ETFA: variants seen among roughly 807,000 people sequenced by gnomAD.
ETFA encodes electron transfer flavoprotein subunit alpha, mitochondrial.
Under a neutral mutation model 46.2 loss-of-function variants are expected in ETFA, and 22 were observed. The observed-to-expected ratio is 0.48, with a 90% CI of 0.34 to 0.68. The LOEUF (loss-of-function observed/expected upper bound fraction) is 0.68. Among genes scored for constraint, ETFA ranks in the 30% least tolerant of loss-of-function variants. The pLI, the probability that ETFA is intolerant of heterozygous loss-of-function variation, is 0.01. For missense variants in ETFA, 345 were observed against 401.1 expected (o/e 0.86, Z 1.19); for synonymous variants, 131 against 139.9 (o/e 0.94, Z 0.45).
intron 9 of ETFA, chr15:76,259,384 C>G: frequency 6.7e-7 from 1 of 1,484,126 alleles, no homozygotes. Flanking sequence ...TACAAAAGGT[C>G]GTCTGAAGGC....
chr15:76,258,759 T>C (rs960262835), intron 9 of ETFA, among the ~76,000 whole-genome samples: 3 of 152,186 alleles, frequency 2.0e-5, no homozygotes, highest in African/African-American at 7.2e-5. Context: ...ACTGGCCCAC[T>C]TCCATTAAGC....
At chr15:76,310,699 A>C (rs1201540539) in intron 1 of ETFA, among the ~76,000 whole-genome samples, 1 of 152,238 alleles carries the variant, frequency 6.6e-6, no homozygotes, top group Non-Finnish European at 1.5e-5. Context: ...GTCAGCCTGA[A>C]GCATATAAAA....
At chr15:76,300,373 C>T (rs2039867221) in intron 1 of ETFA, among the ~76,000 whole-genome samples, 1 of 152,170 alleles carries the variant, frequency 6.6e-6, no homozygotes, top group East Asian at 1.9e-4. Context: ...CTTCGATCTG[C>T]CCCAACCATG....
In ETFA at chr15:76,284,200, G is replaced by A. The variant is rs142724315; in HGVS notation, c.665-375C>T. ...CTGAATAAAGTTATTATTTGAATGG[G>A]AGTCATCTCAAGGACTTTAAACTCC... On this transcript the variant is annotated intron_variant, in intron 7 of 11. Coordinates refer to ENST00000557943, the MANE Select transcript of ETFA (RefSeq NM_000126.4). 7.3e-3 allele frequency among the ~76,000 whole-genome samples: 1,112 copies of A among 152,260 alleles called. 18 individuals carry two copies. Among genetic ancestry groups the A allele is most frequent in the African/African-American group, 0.025 (1,057 of 41,538 alleles).
intron 5 of ETFA, among the ~76,000 whole-genome samples, chr15:76,286,695 C>T (rs1368163325): frequency 6.6e-6 from 1 of 152,018 alleles, no homozygotes; most frequent in Non-Finnish European, 1.5e-5. Flanking sequence ...AAAAGCAGGA[C>T]AGGTACTACC....
intron 8 of ETFA, among the ~76,000 whole-genome samples, chr15:76,283,325 G>A (rs1190838177): frequency 1.3e-5 from 2 of 152,188 alleles, no homozygotes; most frequent in East Asian, 3.9e-4. Flanking sequence ...CTGAGTACCT[G>A]GGACTACAAG....
chr15:76,288,902 A>ATTC (rs925770795), intron 4 of ETFA, among the ~76,000 whole-genome samples: 5 of 110,524 alleles, frequency 4.5e-5, no homozygotes, highest in African/African-American at 1.3e-4. Flanking sequence ...GTCTCAGTTA[A>ATTC]TTCTTCTTCT....
At chr15:76,238,183 C>T (rs1315569348) in intron 9 of ETFA, among the ~76,000 whole-genome samples, 3 of 152,070 alleles carry the variant, frequency 2.0e-5, no homozygotes, top group East Asian at 1.9e-4. Flanking sequence ...ATCTGCTTTA[C>T]TTTAAACACA....
intron 9 of ETFA, among the ~76,000 whole-genome samples, chr15:76,235,194 A>C (rs973002885): frequency 1.3e-5 from 2 of 152,172 alleles, no homozygotes; most frequent in Non-Finnish European, 2.9e-5. Flanking sequence ...GCATAGTATC[A>C]GATTTCCCAA....
intron 11 of ETFA, among the ~76,000 whole-genome samples, chr15:76,220,635 C>G (rs117827176): frequency 6.6e-6 from 1 of 152,012 alleles, no homozygotes; most frequent in Non-Finnish European, 1.5e-5. Flanking sequence ...AACTCAAGAA[C>G]AAAAAGATAA....
rs1456494473 is a variant in ETFA, at chr15:76,261,069, G to A, written c.816+13343C>T. Reference sequence around the variant, plus strand: ...AAGGAGAACAGTGGCTATGCGAGAAGAGGCCAGGCATTTTAGGCTGTGAAC... The same window carrying A: ...AAGGAGAACAGTGGCTATGCGAGAAAAGGCCAGGCATTTTAGGCTGTGAAC... On this transcript the variant is annotated intron_variant, in intron 9 of 11. Coordinates refer to ENST00000557943, the MANE Select transcript of ETFA (RefSeq NM_000126.4). 84 of 1,547,800 alleles carry A rather than the reference G, an allele frequency of 5.4e-5. No homozygotes were observed. The African/African-American group carries it at 9.7e-4, about 18-fold the overall frequency.
intron 8 of ETFA, among the ~76,000 whole-genome samples, chr15:76,278,273 C>G (rs1020752204): frequency 6.6e-5 from 10 of 152,124 alleles, no homozygotes; most frequent in Non-Finnish European, 4.4e-5. Context: ...TCTTTCTGAC[C>G]TCCTCTTTCC....
chr15:76,227,628 T>G, intron 10 of ETFA: 1 of 355,496 alleles, frequency 2.8e-6, no homozygotes, highest in South Asian at 2.2e-5. Context: ...ACCACTGCAG[T>G]TAGACTCTAA....
chr15:76,297,396 A>G (rs2039835471), intron 1 of ETFA, among the ~76,000 whole-genome samples: 1 of 151,344 alleles, frequency 6.6e-6, no homozygotes, highest in African/African-American at 2.4e-5. Context: ...ATAATTAAAA[A>G]TAAAAAATAA....
At chr15:76,283,616 C>G (rs2039676346) in intron 8 of ETFA, 141 bp downstream of exon 8, 1 of 666,164 alleles carries the variant, frequency 1.5e-6, no homozygotes, top group South Asian at 1.8e-5. Context: ...TTAAGAAAAA[C>G]TGGTTCAGAG....
chr15:76,298,822 A>G (rs2039853111), intron 1 of ETFA, among the ~76,000 whole-genome samples: 3 of 152,240 alleles, frequency 2.0e-5, no homozygotes, highest in African/African-American at 7.2e-5. Context: ...TAATCTCAAA[A>G]GACCTCTTTT....
chr15:76,306,765 T>C (rs1040200654), intron 1 of ETFA, among the ~76,000 whole-genome samples: 11 of 152,324 alleles, frequency 7.2e-5, no homozygotes, highest in African/African-American at 2.4e-5. Flanking sequence ...CTTTTAATCA[T>C]GACCAGAAAT....
intron 11 of ETFA, among the ~76,000 whole-genome samples, chr15:76,217,233 G>C (rs1223895721): frequency 2.0e-5 from 3 of 152,046 alleles, no homozygotes; most frequent in African/African-American, 7.2e-5. Flanking sequence ...TGTTTTGCTT[G>C]GCATTCTTCC....
intron 9 of ETFA, among the ~76,000 whole-genome samples, chr15:76,266,226 G>A (rs907766060): frequency 2.6e-5 from 4 of 152,108 alleles, no homozygotes; most frequent in African/African-American, 9.7e-5. Context: ...TAGATCTAAA[G>A]GATTGCTTTT....
Sources: gnomAD v4.1 joint callset for allele counts (sites outside exome capture counted in the v4.1 genomes callset) on GRCh38, gnomAD v4.1.1 for gene constraint, MANE v1.5 for transcripts, NCBI Gene and HGNC (gene_info 2026-07-23, HGNC 2026-07-21) for gene names.